LRBA: variants seen among roughly 807,000 people sequenced by gnomAD.
The protein encoded by LRBA is lipopolysaccharide-responsive and beige-like anchor protein.
Under a neutral mutation model 330.0 loss-of-function variants are expected in LRBA, and 176 were observed. The ratio of observed to expected loss-of-function variants is 0.53; its 90% CI spans 0.47 to 0.60. LRBA has a LOEUF of 0.60. Among genes scored for constraint, LRBA ranks in the 20% least tolerant of loss-of-function variants. The pLI is 0.00. For missense variants in LRBA, 3,259 were observed against 3,444.8 expected (o/e 0.95, Z 1.35); for synonymous variants, 1,230 against 1,193.0 (o/e 1.03, Z -0.64).
intron 22 of LRBA, among the ~76,000 whole-genome samples, chr4:150,853,592 G>A (rs372595352): frequency 6.6e-6 from 1 of 152,154 alleles, no homozygotes; most frequent in East Asian, 1.9e-4. Context: ...ATTTATATCT[G>A]AGTGACTACA....
intron 2 of LRBA, among the ~76,000 whole-genome samples, chr4:151,000,712 G>A (rs943300904): frequency 6.6e-6 from 1 of 152,198 alleles, no homozygotes; most frequent in African/African-American, 2.4e-5. Context: ...GAACTGTCAA[G>A]GGCTTCAAGA....
intron 40 of LRBA, among the ~76,000 whole-genome samples, chr4:150,511,316 AC>A (rs1381915759): frequency 2.0e-5 from 3 of 152,108 alleles, no homozygotes; most frequent in Non-Finnish European, 4.4e-5. Context: ...ACTCCTTTTG[AC>A]CCTCACTCAC....
intron 52 of LRBA, among the ~76,000 whole-genome samples, chr4:150,303,494 T>C (rs1729939428): frequency 6.6e-6 from 1 of 152,230 alleles, no homozygotes; most frequent in Admixed American, 6.5e-5. Flanking sequence ...ACTATATATC[T>C]AGGGCTTCAA....
intron 40 of LRBA, among the ~76,000 whole-genome samples, chr4:150,501,313 C>A (rs1760222850): frequency 6.6e-6 from 1 of 152,158 alleles, no homozygotes; most frequent in Non-Finnish European, 1.5e-5. Flanking sequence ...CTCAGCTTCA[C>A]TAAGTGTCTA....
chr4:150,669,786 G>A (rs575288454), intron 37 of LRBA, among the ~76,000 whole-genome samples: 2 of 151,986 alleles, frequency 1.3e-5, no homozygotes, highest in Admixed American at 6.6e-5. Flanking sequence ...AGCTGGTATC[G>A]AACTCCTGAC....
intron 44 of LRBA, among the ~76,000 whole-genome samples, chr4:150,446,824 T>C (rs1255018961): frequency 6.6e-6 from 1 of 152,232 alleles, no homozygotes. Flanking sequence ...CTTATTTCTC[T>C]GTGCAAGAGG....
chr4:150,747,670 T>C (rs1008704033), intron 35 of LRBA, among the ~76,000 whole-genome samples: 1 of 152,222 alleles, frequency 6.6e-6, no homozygotes. Context: ...TCTTAACTTT[T>C]GCAATAATAC....
intron 43 of LRBA, among the ~76,000 whole-genome samples, chr4:150,470,940 AC>A (rs1232617638): frequency 1.3e-4 from 19 of 151,936 alleles, no homozygotes; most frequent in African/African-American, 4.3e-4. Context: ...AATTTATCTT[AC>A]ACACACAGCC....
chr4:150,845,566 C>T (rs1749736602), intron 26 of LRBA, among the ~76,000 whole-genome samples: 1 of 152,138 alleles, frequency 6.6e-6, no homozygotes, highest in Non-Finnish European at 1.5e-5. Flanking sequence ...ACTCAAGGTA[C>T]TTGAACTGAG....
intron 34 of LRBA, among the ~76,000 whole-genome samples, chr4:150,794,489 G>C (rs1740453803): frequency 6.6e-6 from 1 of 151,364 alleles, no homozygotes; most frequent in Non-Finnish European, 1.5e-5. Flanking sequence ...TGAAGATTCA[G>C]GAAAAAAATT....
intron 37 of LRBA, among the ~76,000 whole-genome samples, chr4:150,603,691 G>GA (rs1377002937): frequency 4.6e-5 from 7 of 152,016 alleles, no homozygotes; most frequent in Admixed American, 4.6e-4. Flanking sequence ...TTAGAGATGG[G>GA]ATCTTGCTAC....
chr4:150,513,935 CA>C (rs1184918375), intron 40 of LRBA, among the ~76,000 whole-genome samples: 3 of 152,184 alleles, frequency 2.0e-5, no homozygotes, highest in Non-Finnish European at 4.4e-5. Flanking sequence ...TAGACACTAA[CA>C]AGATGCTTAC....
intron 37 of LRBA, among the ~76,000 whole-genome samples, chr4:150,654,190 T>C (rs1779961736): frequency 6.6e-6 from 1 of 152,180 alleles, no homozygotes; most frequent in African/African-American, 2.4e-5. Flanking sequence ...TCTGTTGTCA[T>C]TGTTTTTTGT....
chr4:150,646,620 G>A (rs1042945358), intron 37 of LRBA, among the ~76,000 whole-genome samples: 1 of 152,092 alleles, frequency 6.6e-6, no homozygotes, highest in South Asian at 2.1e-4. Context: ...AGTCAACAGG[G>A]TGTGGAACAA....
chr4:150,887,568 A>G (rs1386187980), intron 17 of LRBA, among the ~76,000 whole-genome samples: 1 of 152,028 alleles, frequency 6.6e-6, no homozygotes. Flanking sequence ...GGAGATCGAG[A>G]CCATCCTGGC....
chr4:150,866,376 T>C (rs1752690731), intron 22 of LRBA, among the ~76,000 whole-genome samples: 1 of 152,188 alleles, frequency 6.6e-6, no homozygotes, highest in Non-Finnish European at 1.5e-5. Context: ...GGATTAAGAA[T>C]GAGACTACAT....
At position 150,852,577 on chromosome 4, in the gene LRBA, C is replaced by T. The variant is rs367755488; in HGVS notation, c.3133G>A (p.Ala1045Thr). The T allele has an allele frequency of 5.6e-6, 9 of 1,613,850 alleles. No individual in the cohort carries two copies. Among genetic ancestry groups the T allele is most frequent in the East Asian group, 4.5e-5 (2 of 44,882 alleles). Residue 1045 changes from alanine to threonine, a missense_variant, in exon 23 of 57, where the codon GCA (alanine) becomes ACA (threonine). Coordinates refer to ENST00000651943, the MANE Select transcript of LRBA (RefSeq NM_001364905.1). ...EETLTNETRN[A>T]DDLEVSSDII... The stretch of plus-strand genomic sequence containing the variant: ...TCAGAAGATACTTCTAAATCATCTG[C>T]ATTCCTTGTCTCATTTGTCAGTGTT...
intron 36 of LRBA, among the ~76,000 whole-genome samples, chr4:150,716,307 C>T (rs998505568): frequency 3.3e-5 from 5 of 151,940 alleles, no homozygotes; most frequent in South Asian, 2.1e-4. Flanking sequence ...TCTAGCTGGG[C>T]GTGGTTGTGG....
intron 2 of LRBA, among the ~76,000 whole-genome samples, chr4:150,989,462 A>C (rs185978882): frequency 7.2e-5 from 11 of 151,992 alleles, no homozygotes; most frequent in Non-Finnish European, 1.5e-4. Flanking sequence ...AAAATACAAA[A>C]AGTAGCCAGG....
Sources: allele counts gnomAD v4.1 joint callset (sites outside exome capture counted in the v4.1 genomes callset), GRCh38; gene constraint gnomAD v4.1.1; transcripts MANE v1.5; gene names NCBI Gene and HGNC (gene_info 2026-07-23, HGNC 2026-07-21).